Variants in KCTD3 observed in about 807,000 individuals in gnomAD.
The protein encoded by KCTD3 is BTB/POZ domain-containing protein KCTD3.
Under a neutral mutation model 85.8 loss-of-function variants are expected in KCTD3, and 41 were observed. That is an observed-to-expected ratio of 0.48 (90% confidence interval 0.37 to 0.62). The LOEUF is 0.62. Among genes scored for constraint, KCTD3 ranks in the 20% least tolerant of loss-of-function variants. KCTD3 has a pLI of 0.00. For synonymous variants in KCTD3, 338 were observed against 345.4 expected (o/e 0.98, Z 0.24); for missense variants, 724 against 989.9 (o/e 0.73, Z 3.60).
intron 1 of KCTD3, among the ~76,000 whole-genome samples, chr1:215,568,410 A>T (rs1315456461): frequency 1.5e-5 from 2 of 133,672 alleles, no homozygotes; most frequent in East Asian, 4.8e-4. Flanking sequence ...GAAGCTCTGG[A>T]TATTGGCACG....
chr1:215,577,955 T>G, intron 5 of KCTD3, 46 bp from the exon 6 acceptor site: 1 of 1,585,834 alleles, frequency 6.3e-7, no homozygotes, highest in Non-Finnish European at 8.6e-7. Flanking sequence ...GTACTGTTTT[T>G]CTGTTTGCAT....
chr1:215,604,559 A>G (rs1364427491), intron 13 of KCTD3, among the ~76,000 whole-genome samples: 1 of 152,116 alleles, frequency 6.6e-6, no homozygotes, highest in African/African-American at 2.4e-5. Flanking sequence ...TAGCCTGGGC[A>G]ACATGGTGAA....
rs1007142332 is a variant in KCTD3 at position 215,621,507 on chromosome 1, A to G, written c.*889A>G. On this transcript the variant is annotated 3_prime_UTR_variant, in exon 18 of 18. Coordinates refer to ENST00000259154, the MANE Select transcript of KCTD3 (RefSeq NM_016121.5). ...GACTGCAGTTCTGAATTTTGGGTTA[A>G]AGGTTTTGGCTGCTGTAAGAATGTG... 3 of 152,184 alleles carry G rather than the reference A, an allele frequency of 2.0e-5. No individual in the cohort carries two copies. The highest frequency in any genetic ancestry group is 7.2e-5 in the African/African-American group (3 of 41,428). 9.4% of individuals were successfully genotyped at this position (152,184 alleles called of 1,614,324 possible). A position where few individuals can be genotyped will look rare whatever the true frequency, so the allele number is the denominator to read the frequency against.
At chr1:215,577,308 C>G (rs895148767) in intron 4 of KCTD3, among the ~76,000 whole-genome samples, 2 of 151,810 alleles carry the variant, frequency 1.3e-5, no homozygotes, top group Non-Finnish European at 2.9e-5. Flanking sequence ...GAAATAATTG[C>G]GATAAAAAGT....
In KCTD3 at chr1:215,620,094, G is replaced by C. The variant is rs776795540; in HGVS notation, c.1924G>C (p.Ala642Pro). ...GCACCATGATACCACCCATGAAGCAGCTACTTACGGTTCCATGAGGCCTTA... is the reference window on the plus strand; with the variant it reads ...GCACCATGATACCACCCATGAAGCACCTACTTACGGTTCCATGAGGCCTTA... ...LQHHDTTHEAATYGSMRPYRE... is the reference protein window; with the variant it reads ...LQHHDTTHEAPTYGSMRPYRE... The change falls in exon 18 of 18, where the codon GCT becomes CCT. Residue 642 changes from alanine (A) to proline (P), a missense_variant. Transcript: ENST00000259154. 2.5e-6 allele frequency: 4 copies of C among 1,608,518 alleles called. No individual in the cohort carries two copies. Among genetic ancestry groups the C allele is most frequent in the South Asian group, 1.1e-5 (1 of 89,854 alleles).
intron 7 of KCTD3, among the ~76,000 whole-genome samples, 190 bp from the exon 8 acceptor site, chr1:215,579,719 C>T (rs919714551): frequency 2.6e-5 from 4 of 151,978 alleles, no homozygotes; most frequent in African/African-American, 7.3e-5. Flanking sequence ...AGTATGGTCT[C>T]GATCCCCTGA....
chr1:215,592,481 TA>T (rs1660262313), intron 9 of KCTD3, among the ~76,000 whole-genome samples: 1 of 152,132 alleles, frequency 6.6e-6, no homozygotes, highest in African/African-American at 2.4e-5. Context: ...AAATTTAACA[TA>T]AAAAATTTTG....
At chr1:215,612,854 T>G (rs1655280537) in intron 15 of KCTD3, among the ~76,000 whole-genome samples, 1 of 152,218 alleles carries the variant, frequency 6.6e-6, no homozygotes, top group Admixed American at 6.5e-5. Flanking sequence ...GAAATTTTAC[T>G]TCTTTTAAAA....
intron 9 of KCTD3, among the ~76,000 whole-genome samples, chr1:215,588,661 T>G (rs1660107903): frequency 6.6e-6 from 1 of 152,158 alleles, no homozygotes; most frequent in African/African-American, 2.4e-5. Flanking sequence ...GCACTTCCTG[T>G]GTTTGTAGCT....
chr1:215,606,732 C>G (rs1412712360), intron 13 of KCTD3, among the ~76,000 whole-genome samples: 1 of 151,952 alleles, frequency 6.6e-6, no homozygotes, highest in Non-Finnish European at 1.5e-5. Context: ...AACAAAAAAT[C>G]TGGAGTATTT....
At chr1:215,612,427 A>G (rs190040982) in intron 15 of KCTD3, among the ~76,000 whole-genome samples, 1 of 152,036 alleles carries the variant, frequency 6.6e-6, no homozygotes, top group African/African-American at 2.4e-5. Flanking sequence ...TTTTAGACCT[A>G]TTTCCATCTA....
rs1207663117 is a variant in KCTD3, at chr1:215,578,913, C to T, written c.398-87C>T. On this transcript the variant is annotated intron_variant, in intron 6 of 17. Transcript: ENST00000259154. Reference sequence around the variant, plus strand: ...TGTATTTCGGCTTTAATGAAATTCACATTTTTGTTTCTTTGTCACAATGTG... The same window carrying T: ...TGTATTTCGGCTTTAATGAAATTCATATTTTTGTTTCTTTGTCACAATGTG... 3.5e-6 allele frequency: 3 copies of T among 845,472 alleles called. No individual in the cohort carries two copies. In the African/African-American group the frequency reaches 5.4e-5, roughly 15 times the overall value. The allele number at this position is 845,472 out of a possible 1,614,324, so 52.4% of individuals were successfully genotyped here. A position where few individuals can be genotyped will look rare whatever the true frequency, so the allele number is the denominator to read the frequency against.
At chr1:215,594,066 C>G (rs998056668) in intron 9 of KCTD3, among the ~76,000 whole-genome samples, 1 of 151,848 alleles carries the variant, frequency 6.6e-6, no homozygotes, top group East Asian at 1.9e-4. Flanking sequence ...CAGTGTGTTG[C>G]CCAGGCTGGT....
At chr1:215,611,783 A>C in intron 14 of KCTD3, 42 bp from the exon 15 acceptor site, 1 of 1,304,492 alleles carries the variant, frequency 7.7e-7, no homozygotes. Flanking sequence ...AGAAAAAATA[A>C]AATTTTAATT....
intron 1 of KCTD3, among the ~76,000 whole-genome samples, chr1:215,570,767 G>C: frequency 6.6e-6 from 1 of 152,170 alleles, no homozygotes; most frequent in East Asian, 1.9e-4. Flanking sequence ...GTTGCATGAA[G>C]TATAACTGTG....
At chr1:215,609,503 C>A (rs1405374180) in intron 14 of KCTD3, among the ~76,000 whole-genome samples, 1 of 151,690 alleles carries the variant, frequency 6.6e-6, no homozygotes, top group African/African-American at 2.4e-5. Context: ...TAATGGAGAC[C>A]TTTTGAAGAA....
At chr1:215,618,263 G>T in intron 15 of KCTD3, 1 of 307,132 alleles carries the variant, frequency 3.3e-6, no homozygotes, top group Non-Finnish European at 7.1e-6. Flanking sequence ...ATGAGACTAG[G>T]ATAGTCTTTA....
intron 9 of KCTD3, among the ~76,000 whole-genome samples, chr1:215,594,893 A>G (rs1352736068): frequency 6.6e-6 from 1 of 152,102 alleles, no homozygotes; most frequent in Non-Finnish European, 1.5e-5. Context: ...CATTCTAGAT[A>G]GTTAAGGCTG....
At chr1:215,602,312 T>G in intron 12 of KCTD3, 111 bp downstream of exon 12, 16 of 572,494 alleles carry the variant, frequency 2.8e-5, no homozygotes, top group Non-Finnish European at 2.8e-5. Flanking sequence ...AGAACTGCAG[T>G]GCCTAAGGAT....
Sources: allele counts gnomAD v4.1 joint callset (sites outside exome capture counted in the v4.1 genomes callset), GRCh38; gene constraint gnomAD v4.1.1; transcripts MANE v1.5; gene names NCBI Gene and HGNC (gene_info 2026-07-23, HGNC 2026-07-21).